NXPH2: variants seen among roughly 807,000 people sequenced by gnomAD.
The protein encoded by NXPH2 is neurexophilin 2.
NXPH2 carries 5 observed loss-of-function variants against 19.8 expected under a neutral mutation model. The ratio of observed to expected loss-of-function variants is 0.25; its 90% CI spans 0.13 to 0.53. The LOEUF is 0.53. Among genes scored for constraint, NXPH2 ranks in the 20% least tolerant of loss-of-function variants. The pLI, the probability that NXPH2 is intolerant of heterozygous loss-of-function variation, is 0.96. For synonymous variants in NXPH2, 154 were observed against 127.4 expected (o/e 1.21, Z -1.41); for missense variants, 289 against 322.8 (o/e 0.90, Z 0.80).
chr2:138,748,201 C>T (rs10928666), intron 1 of NXPH2, among the ~76,000 whole-genome samples: 48,608 of 152,020 alleles, frequency 0.32, 8,506 homozygotes, highest in Non-Finnish European at 0.39. Flanking sequence ...GGACAATGAG[C>T]AATTAAAGTT....
chr2:138,672,465 A>G (rs1429242493), intron 1 of NXPH2, among the ~76,000 whole-genome samples: 1 of 152,156 alleles, frequency 6.6e-6, no homozygotes, highest in Non-Finnish European at 1.5e-5. Flanking sequence ...CTTTATTTGC[A>G]TTTGATTTTT....
intron 1 of NXPH2, among the ~76,000 whole-genome samples, chr2:138,692,159 G>A (rs966110285): frequency 2.6e-5 from 4 of 152,110 alleles, no homozygotes; most frequent in African/African-American, 7.2e-5. Context: ...GATTTAAGGA[G>A]CTCACACAAA....
chr2:138,745,920 C>A (rs955267230), intron 1 of NXPH2, among the ~76,000 whole-genome samples: 14 of 152,264 alleles, frequency 9.2e-5, no homozygotes, highest in African/African-American at 2.9e-4. Flanking sequence ...ATTAAAGAGT[C>A]ATAACTCCAT....
intron 1 of NXPH2, among the ~76,000 whole-genome samples, chr2:138,715,320 T>C (rs549249736): frequency 6.6e-6 from 1 of 152,336 alleles, no homozygotes; most frequent in African/African-American, 2.4e-5. Context: ...AGTCCAGTTA[T>C]TTAGAGTAGA....
At chr2:138,685,598 A>G (rs1573953372) in intron 1 of NXPH2, among the ~76,000 whole-genome samples, 1 of 152,318 alleles carries the variant, frequency 6.6e-6, no homozygotes, top group East Asian at 1.9e-4. Flanking sequence ...CAGAACTCTT[A>G]CTTTAGTTGG....
At chr2:138,734,568 G>A (rs1251108786) in intron 1 of NXPH2, among the ~76,000 whole-genome samples, 2 of 152,178 alleles carry the variant, frequency 1.3e-5, no homozygotes, top group African/African-American at 2.4e-5. Flanking sequence ...CCTCCTTGTA[G>A]AAGGATGGAA....
chr2:138,721,357 C>A (rs1211731921), intron 1 of NXPH2, among the ~76,000 whole-genome samples: 1 of 151,588 alleles, frequency 6.6e-6, no homozygotes, highest in Admixed American at 6.6e-5. Context: ...AAAAAATTGC[C>A]AGAGGTGGGG....
intron 1 of NXPH2, among the ~76,000 whole-genome samples, chr2:138,778,449 G>A (rs1260982699): frequency 7.2e-5 from 11 of 151,920 alleles, no homozygotes; most frequent in African/African-American, 2.7e-4. Context: ...TGACTATGGC[G>A]GTGTGGAAAA....
intron 1 of NXPH2, among the ~76,000 whole-genome samples, chr2:138,728,166 C>G (rs927589816): frequency 2.0e-5 from 3 of 152,054 alleles, no homozygotes; most frequent in African/African-American, 7.2e-5. Context: ...CTCTCTCTCT[C>G]TCTCTCTCTC....
chr2:138,766,694 A>G (rs934902737), intron 1 of NXPH2, among the ~76,000 whole-genome samples: 1 of 152,204 alleles, frequency 6.6e-6, no homozygotes, highest in Non-Finnish European at 1.5e-5. Flanking sequence ...TCCCTGCTGA[A>G]AAGACCACCT....
chr2:138,722,517 C>T (rs1403647987), intron 1 of NXPH2, among the ~76,000 whole-genome samples: 1 of 152,158 alleles, frequency 6.6e-6, no homozygotes, highest in African/African-American at 2.4e-5. Context: ...GGAAGCTGTC[C>T]TGGGCAGAAG....
At chr2:138,691,105 G>A (rs1285122687) in intron 1 of NXPH2, among the ~76,000 whole-genome samples, 1 of 152,222 alleles carries the variant, frequency 6.6e-6, no homozygotes, top group African/African-American at 2.4e-5. Flanking sequence ...CTAGTGTGGA[G>A]AAAGGGCACA....
Position 138,718,933 on chromosome 2 carries a change from T to C in NXPH2, c.52-47268A>G, listed in dbSNP as rs537330585. Among the ~76,000 whole-genome samples the C allele has an allele frequency of 9.9e-5, 15 of 151,836 alleles. No individual in the cohort carries two copies. The East Asian group carries it at 2.1e-3, about 22-fold the overall frequency. Reference sequence around the variant, plus strand: ...CACTAGAGTGTAGAATTTCTAAATCTGGAAGTCAATAGCTACTTGCTAAAG... The same window carrying C: ...CACTAGAGTGTAGAATTTCTAAATCCGGAAGTCAATAGCTACTTGCTAAAG... On this transcript the variant is annotated intron_variant, in intron 1 of 1. Transcript: ENST00000272641.
chr2:138,676,872 A>T (rs926650619), intron 1 of NXPH2, among the ~76,000 whole-genome samples: 1 of 152,212 alleles, frequency 6.6e-6, no homozygotes, highest in African/African-American at 2.4e-5. Flanking sequence ...CCAGAACATC[A>T]ATCAAATGTT....
chr2:138,768,279 T>A (rs1415209076), intron 1 of NXPH2, among the ~76,000 whole-genome samples: 1 of 152,184 alleles, frequency 6.6e-6, no homozygotes, highest in Non-Finnish European at 1.5e-5. Flanking sequence ...TATTTATGAG[T>A]GGAGATCATG....
At position 138,734,823 on chromosome 2, in the gene NXPH2, AT is replaced by A. The variant is rs570062192; in HGVS notation, c.51+45367del. ...TGCAAAGAGATGCAATATGGTGAGC[AT>A]GGATAAGAGGAGAGGAGAGAGAATT... On this transcript the variant is annotated intron_variant, in intron 1 of 1. Transcript: ENST00000272641. Among the ~76,000 whole-genome samples the A allele has an allele frequency of 2.3e-4, 35 of 152,334 alleles. 1 individual carries two copies. In the South Asian group the frequency reaches 6.2e-3, roughly 27 times the overall value.
At chr2:138,760,468 T>C (rs1392503696) in intron 1 of NXPH2, among the ~76,000 whole-genome samples, 1 of 152,204 alleles carries the variant, frequency 6.6e-6, no homozygotes, top group African/African-American at 2.4e-5. Flanking sequence ...ACCTCATCCA[T>C]TGCACGGAGG....
chr2:138,745,789 T>C (rs1028739466), intron 1 of NXPH2, among the ~76,000 whole-genome samples: 5 of 151,314 alleles, frequency 3.3e-5, no homozygotes, highest in African/African-American at 9.7e-5. Context: ...CTGTTACCTA[T>C]GGAGTGAGAA....
chr2:138,680,772 A>C (rs1342048344), intron 1 of NXPH2, among the ~76,000 whole-genome samples: 2 of 152,258 alleles, frequency 1.3e-5, no homozygotes, highest in Non-Finnish European at 2.9e-5. Context: ...TTGATAAACA[A>C]TGAATTTGTG....
Sources: gnomAD v4.1 joint callset for allele counts (sites outside exome capture counted in the v4.1 genomes callset) on GRCh38, gnomAD v4.1.1 for gene constraint, MANE v1.5 for transcripts, NCBI Gene and HGNC (gene_info 2026-07-23, HGNC 2026-07-21) for gene names.